CTBP2: variants seen among roughly 807,000 people sequenced by gnomAD.
CTBP2 encodes C-terminal binding protein 2.
In CTBP2, 30 loss-of-function variants were observed where a neutral mutation model predicts 80.3. The ratio of observed to expected loss-of-function variants is 0.37; its 90% CI spans 0.28 to 0.51. The LOEUF (loss-of-function observed/expected upper bound fraction) is 0.51. Ranked by LOEUF, CTBP2 falls within the 20% of genes least tolerant of loss-of-function variation. CTBP2 has a pLI of 0.93. For synonymous variants in CTBP2, 594 were observed against 587.4 expected (o/e 1.01, Z -0.16); for missense variants, 1,212 against 1,375.3 (o/e 0.88, Z 1.88).
chr10:125,023,930 A>G (rs1957298827), intron 1 of CTBP2, among the ~76,000 whole-genome samples: 1 of 152,152 alleles, frequency 6.6e-6, no homozygotes, highest in Admixed American at 6.5e-5. Context: ...TGTCCCTCCG[A>G]TGGGAGGGAA....
rs1952051069 is a variant in CTBP2, at chr10:124,986,622, T to TTTG, written c.*2893_*2895dup. On this transcript the variant is annotated 3_prime_UTR_variant, in exon 9 of 9. Coordinates refer to ENST00000309035, the MANE Select transcript of CTBP2 (RefSeq NM_022802.3). The stretch of plus-strand genomic sequence containing the variant: ...CTTTGATATAATGTAAATGCTGCTG[T>TTTG]TTGTTTCAAGTGGTGAATGTGTTGT... The TTTG allele has an allele frequency of 1.3e-5, 2 of 152,292 alleles. No homozygotes were observed. Among genetic ancestry groups the TTTG allele is most frequent in the African/African-American group, 4.8e-5 (2 of 41,570 alleles). 9.4% of individuals were successfully genotyped at this position (152,292 alleles called of 1,614,324 possible).
intron 2 of CTBP2, among the ~76,000 whole-genome samples, chr10:125,041,758 C>G (rs2135036452): frequency 6.6e-6 from 1 of 152,282 alleles, no homozygotes; most frequent in Non-Finnish European, 1.5e-5. Context: ...GGGGGTTTCA[C>G]ACCCTCCTCC....
At position 125,066,455 on chromosome 10, in the gene CTBP2, T is replaced by C. The variant is rs962274052; in HGVS notation, c.-101-27300A>G. On this transcript the variant is annotated intron_variant, in intron 2 of 10. Transcript: ENST00000337195. This position sits in a 1 kb window ranked among gnomAD's most constrained non-coding sequence, Gnocchi z 4.1. ...ACGGAAGGCAAGCAGGGTGCGCAGA[T>C]GTAACGGGGGAAGCAGGCACGGCCA... is the stretch of plus-strand genomic sequence containing the variant. Among the ~76,000 whole-genome samples, 6 of 152,024 alleles carry C rather than the reference T, an allele frequency of 3.9e-5. No homozygotes were observed. The highest frequency in any genetic ancestry group is 1.4e-4 in the African/African-American group (6 of 41,398).
intron 6 of CTBP2, 37 bp downstream of exon 8, chr10:124,993,790 GTGTGGGGGTCAGGTGTGGAGCTGGGCCC>G: frequency 1.9e-6 from 3 of 1,547,178 alleles, no homozygotes; most frequent in Non-Finnish European, 2.6e-6. Flanking sequence ...CGAGTTCAAA[GTGTGGGGGTCAGGTGTGGAGCTGGGCCC>G]TGTGGGCTCC....
rs747007090 is a variant in CTBP2, at chr10:125,026,393, G to A, written c.1367C>T (p.Pro456Leu). The A allele has an allele frequency of 3.1e-6, 5 of 1,610,842 alleles. No individual in the cohort carries two copies. Among genetic ancestry groups the A allele is most frequent in the South Asian group, 1.1e-5 (1 of 91,006 alleles). Residue 456 changes from proline (P) to leucine (L), a missense_variant, in exon 1 of 9, where the codon CCC (proline) becomes CTC (leucine). Physicochemically the swap from Pro to Leu is moderately conservative, Grantham distance 98. Transcript: ENST00000309035. The stretch of plus-strand genomic sequence containing the variant: ...AGTCAAGGCCACCCCTGCCTGCAGG[G>A]GGTACGTGGGGCTCAGACGCGCTGT...
At chr10:125,135,621 C>A (rs534881391) in intron 1 of CTBP2, among the ~76,000 whole-genome samples, 2 of 152,346 alleles carry the variant, frequency 1.3e-5, no homozygotes, top group South Asian at 4.1e-4. Context: ...CAGCAGCTAG[C>A]CCTCCTCTCC....
chr10:125,028,804 C>T (rs190346320), upstream of CTBP2, among the ~76,000 whole-genome samples: 2 of 152,212 alleles, frequency 1.3e-5, no homozygotes, highest in Non-Finnish European at 2.9e-5. Flanking sequence ...GGATGAAAAG[C>T]CTAATTCCAG....
intron 1 of CTBP2, among the ~76,000 whole-genome samples, chr10:125,017,362 C>T (rs999450074): frequency 2.0e-5 from 3 of 152,164 alleles, no homozygotes; most frequent in Non-Finnish European, 2.9e-5. Flanking sequence ...ACGGGTTCAT[C>T]GGTCCCATCT....
intron 1 of CTBP2, among the ~76,000 whole-genome samples, chr10:125,123,816 CATT>C (rs1232143620): frequency 6.6e-6 from 1 of 152,234 alleles, no homozygotes; most frequent in African/African-American, 2.4e-5. Flanking sequence ...ATGACTGACT[CATT>C]GTTCTCTCCC....
At position 125,090,285 on chromosome 10, in the gene CTBP2, C is replaced by CAAAAAAAA. The variant is rs56714830; in HGVS notation, c.-102+20697_-102+20704dup. The stretch of plus-strand genomic sequence containing the variant: ...TCTGGGCGACAGAGAGTCCCTGGCT[C>CAAAAAAAA]AAAAAAAAAAAAAAAAAGGTTGGGG... On this transcript the variant is annotated intron_variant, in intron 2 of 10. Transcript: ENST00000337195. 3.8e-4 allele frequency among the ~76,000 whole-genome samples: 25 copies of CAAAAAAAA among 65,382 alleles called. 1 individual carries two copies. The highest frequency in any genetic ancestry group is 6.9e-4 in the African/African-American group (10 of 14,472). 42.9% of individuals were successfully genotyped at this position (65,382 alleles called of 152,430 possible).
At chr10:125,146,652 A>C (rs1265130998) in intron 1 of CTBP2, among the ~76,000 whole-genome samples, 1 of 152,088 alleles carries the variant, frequency 6.6e-6, no homozygotes, top group Non-Finnish European at 1.5e-5. Context: ...TGACCAGCCC[A>C]CTCTGAAGGT....
At chr10:125,101,071 G>T (rs1850545094) in intron 2 of CTBP2, among the ~76,000 whole-genome samples, 1 of 152,182 alleles carries the variant, frequency 6.6e-6, no homozygotes, top group Non-Finnish European at 1.5e-5. Context: ...GATCTTATAA[G>T]CTGTGGGCTC....
chr10:125,138,631 A>G (rs909188927), intron 1 of CTBP2, among the ~76,000 whole-genome samples: 1 of 151,846 alleles, frequency 6.6e-6, no homozygotes, highest in Non-Finnish European at 1.5e-5. Flanking sequence ...GGTAATTACC[A>G]TAACCAAAGG....
chr10:124,992,450 C>T (rs1428471667), intron 8 of CTBP2, among the ~76,000 whole-genome samples: 2 of 152,138 alleles, frequency 1.3e-5, no homozygotes, highest in African/African-American at 4.8e-5. Context: ...CAGTTCCTAG[C>T]ACCTGTGGTC....
intron 2 of CTBP2, among the ~76,000 whole-genome samples, chr10:125,084,606 G>C (rs987198031): frequency 2.0e-5 from 3 of 152,110 alleles, no homozygotes; most frequent in Non-Finnish European, 4.4e-5. Context: ...TCAGGGGTCC[G>C]GGGGTGGCCC....
chr10:125,102,175 G>A (rs1850732678), intron 2 of CTBP2, among the ~76,000 whole-genome samples: 1 of 152,208 alleles, frequency 6.6e-6, no homozygotes, highest in African/African-American at 2.4e-5. Flanking sequence ...GCTCAGAGGG[G>A]CATAGTTTGT....
rs200963665 is a variant in CTBP2 at position 125,026,066 on chromosome 10, G to T, written c.1678+16C>A. 1,316 of 1,546,584 alleles carry T rather than the reference G, an allele frequency of 8.5e-4. 1 individual carries two copies. Among genetic ancestry groups the T allele is most frequent in the Non-Finnish European group, 1.0e-3 (1,156 of 1,141,318 alleles). The stretch of plus-strand genomic sequence containing the variant: ...CCCCAGGTCCCCAGGCAGGGCAGGC[G>T]GGGAGGATGTATTACTTGGTTCTGG... On this transcript the variant is annotated intron_variant, in intron 1 of 8. Transcript: ENST00000309035.
intron 2 of CTBP2, among the ~76,000 whole-genome samples, chr10:125,058,001 G>A (rs1041447801): frequency 2.0e-5 from 3 of 152,166 alleles, no homozygotes; most frequent in Non-Finnish European, 4.4e-5. Flanking sequence ...TGCCATCAAC[G>A]AGCTGGGTGG....
chr10:125,097,092 C>A (rs1849658229), intron 2 of CTBP2, among the ~76,000 whole-genome samples: 1 of 152,198 alleles, frequency 6.6e-6, no homozygotes, highest in Non-Finnish European at 1.5e-5. Context: ...TAAACTATTA[C>A]ATGCCTCCAA....
Sources: gnomAD v4.1 joint callset for allele counts (sites outside exome capture counted in the v4.1 genomes callset) on GRCh38, gnomAD v4.1.1 for gene constraint, Gnocchi (gnomAD v3.1) non-coding constraint, MANE v1.5 for transcripts, NCBI Gene and HGNC (gene_info 2026-07-23, HGNC 2026-07-21) for gene names.